SPRTN: variants seen among roughly 807,000 people sequenced by gnomAD.
SPRTN encodes DNA-dependent metalloprotease SPRTN.
A neutral mutation model predicts 31.9 loss-of-function variants in SPRTN; 11 were observed. That is an observed-to-expected ratio of 0.34 (90% CI 0.22 to 0.57). The LOEUF is 0.57. Among genes scored for constraint, SPRTN ranks in the 20% least tolerant of loss-of-function variants. SPRTN has a pLI of 0.86. For synonymous variants in SPRTN, 185 were observed against 212.1 expected (o/e 0.87, Z 1.11); for missense variants, 482 against 590.1 (o/e 0.82, Z 1.90).
chr1:231,344,686 TA>T, intron 2 of SPRTN: 6 of 307,924 alleles, frequency 1.9e-5, no homozygotes, highest in South Asian at 2.9e-5. Context: ...AATTGTTTTT[TA>T]AAAAAATTAT....
chr1:231,344,404 G>A (rs1686988455), intron 2 of SPRTN, among the ~76,000 whole-genome samples: 1 of 152,132 alleles, frequency 6.6e-6, no homozygotes, highest in Non-Finnish European at 1.5e-5. Flanking sequence ...CTGCTCAGGA[G>A]GATGAGATAG....
chr1:231,343,623 G>A (rs1400498999), intron 2 of SPRTN, among the ~76,000 whole-genome samples: 5 of 152,056 alleles, frequency 3.3e-5, no homozygotes, highest in South Asian at 4.1e-4. Flanking sequence ...ACTAAACGTC[G>A]TCTTTACCAC....
chr1:231,352,225 G>T (rs771926243), intron 4 of SPRTN: 2 of 996,800 alleles, frequency 2.0e-6, no homozygotes, highest in Non-Finnish European at 2.4e-6. Flanking sequence ...AGCTATAGAT[G>T]AATTGATATG....
At chr1:231,340,056 A>AAAAC in intron 2 of SPRTN, 188 bp downstream of exon 2, 7 of 501,348 alleles carry the variant, frequency 1.4e-5, no homozygotes, top group Non-Finnish European at 2.4e-5. Context: ...GTAAAAAAAA[A>AAAAC]AAAAACAAAA....
rs1265673185 is a variant in SPRTN, at chr1:231,352,911, A to G, written c.1020A>G (p.Gln340=). 3 of 1,614,018 alleles carry G rather than the reference A, an allele frequency of 1.9e-6. No homozygotes were observed. The highest frequency in any genetic ancestry group is 1.6e-4 in the Middle Eastern group (1 of 6,084). ...TTCCTAGAGTATCATTTGCCAACCAAAAGGCTTTCAGAGGTGTGAATGGAT... is the reference window on the plus strand; with the variant it reads ...TTCCTAGAGTATCATTTGCCAACCAGAAGGCTTTCAGAGGTGTGAATGGAT... The part of the protein sequence containing the change: ...NYFPRVSFAN[Q]KAFRGVNGSP... Residue 340 remains glutamine, a synonymous_variant, in exon 5 of 5, where the codon CAA becomes CAG. Coordinates refer to ENST00000295050, the MANE Select transcript of SPRTN (RefSeq NM_032018.7).
At chr1:231,344,705 C>A (rs760305573) in intron 2 of SPRTN, 2 of 325,394 alleles carry the variant, frequency 6.1e-6, no homozygotes, top group South Asian at 2.6e-5. Flanking sequence ...TATGGAGGAT[C>A]ATGAAAAAGG....
At chr1:231,347,772 C>T in intron 2 of SPRTN, 25 bp from the exon 3 acceptor site, 5 of 1,591,310 alleles carry the variant, frequency 3.1e-6, no homozygotes, top group Non-Finnish European at 4.3e-6. Flanking sequence ...GACTCTAAAA[C>T]TAATTTGAAT....
intron 2 of SPRTN, among the ~76,000 whole-genome samples, chr1:231,342,746 T>A (rs1686935014): frequency 6.7e-6 from 1 of 150,282 alleles, no homozygotes; most frequent in Non-Finnish European, 1.5e-5. Context: ...TTTATTTATT[T>A]TTTTTTTGAG....
intron 3 of SPRTN, 33 bp downstream of exon 3, chr1:231,347,958 G>T: frequency 6.3e-7 from 1 of 1,588,478 alleles, no homozygotes; most frequent in Non-Finnish European, 8.5e-7. Flanking sequence ...ATGATGTTTA[G>T]TAGTTGTTTA....
Position 231,352,894 on chromosome 1 carries a change from G to A in SPRTN, c.1003G>A (p.Val335Ile), listed in dbSNP as rs765473004. The A allele has an allele frequency of 6.2e-7, 1 of 1,614,118 alleles. No homozygotes were observed. Among genetic ancestry groups the A allele is most frequent in the South Asian group, 1.1e-5 (1 of 91,084 alleles). The change falls in exon 5 of 5, where the codon GTA becomes ATA. Residue 335 changes from valine to isoleucine, a missense_variant. Around this residue, in one of 2 missense-constraint regions of SPRTN, gnomAD observed 325 missense variants for 350.2 expected, o/e 0.93. Coordinates refer to ENST00000295050, the MANE Select transcript of SPRTN (RefSeq NM_032018.7). The part of the protein sequence containing the change: ...QNVLSNYFPR[V>I]SFANQKAFRG... ...TGTTCTAAGCAACTACTTTCCTAGAGTATCATTTGCCAACCAAAAGGCTTT... is the reference window on the plus strand; with the variant it reads ...TGTTCTAAGCAACTACTTTCCTAGAATATCATTTGCCAACCAAAAGGCTTT...
rs1687231415 is a variant in SPRTN at position 231,351,367 on chromosome 1, C to T, written c.514C>T (p.Pro172Ser). The T allele has an allele frequency of 3.1e-6, 5 of 1,614,112 alleles. No individual in the cohort carries two copies. The highest frequency in any genetic ancestry group is 4.2e-6 in the Non-Finnish European group (5 of 1,180,004). The change falls in exon 4 of 5, where the codon CCG (proline) becomes TCG (serine). Residue 172 changes from proline (P) to serine (S), a missense_variant. Pro to Ser is a moderately conservative substitution (Grantham distance 74). This residue lies in a region of SPRTN where 157 missense variants were observed against 239.9 expected (regional missense o/e 0.65). Transcript: ENST00000295050. The stretch of plus-strand genomic sequence containing the variant: ...GCGACACTGGTGGCGCTGCAATGGG[C>T]CGTGCCAGCACAGGCCACCGTATTA... ...YRRHWWRCNG[P>S]CQHRPPYYGY...
At position 231,342,707 on chromosome 1, in the gene SPRTN, A is replaced by G. The variant is rs193295174; in HGVS notation, c.321+2839A>G. Reference sequence around the variant, plus strand: ...TCCCAAAGTGAATGGGATTACAGGTATGAGCCACCATGCCCGGCCAGGACT... The same window carrying G: ...TCCCAAAGTGAATGGGATTACAGGTGTGAGCCACCATGCCCGGCCAGGACT... On this transcript the variant is annotated intron_variant, in intron 2 of 4. Transcript: ENST00000295050. Among the ~76,000 whole-genome samples, 270 of 150,248 alleles carry G rather than the reference A, an allele frequency of 1.8e-3. 3 individuals carry two copies. The highest frequency in any genetic ancestry group is 6.2e-3 in the African/African-American group (253 of 40,812).
intron 3 of SPRTN, 121 bp downstream of exon 3, chr1:231,348,046 C>A: frequency 7.2e-7 from 1 of 1,386,998 alleles, no homozygotes; most frequent in Non-Finnish European, 9.7e-7. Context: ...CCACAGCGAA[C>A]GAGAGGCCTA....
chr1:231,346,848 A>G (rs1192660669), intron 2 of SPRTN, among the ~76,000 whole-genome samples: 1 of 152,136 alleles, frequency 6.6e-6, no homozygotes, highest in African/African-American at 2.4e-5. Flanking sequence ...AGGCTGAGGC[A>G]CGAGAATCAC....
In SPRTN at chr1:231,353,981, T is replaced by A. The variant is rs546116181; in HGVS notation, c.*620T>A. The stretch of plus-strand genomic sequence containing the variant: ...TTAAGTTAAAGAATATGGAATATAG[T>A]AAAATAAGTAAATTTCTTTTGGAAT... On this transcript the variant is annotated 3_prime_UTR_variant, in exon 5 of 5. Transcript: ENST00000295050. 16 of 929,560 alleles carry A rather than the reference T, an allele frequency of 1.7e-5. No homozygotes were observed. Among genetic ancestry groups the A allele is most frequent in the African/African-American group, 1.4e-4 (8 of 56,136 alleles). 57.6% of individuals were successfully genotyped at this position (929,560 alleles called of 1,614,324 possible).
intron 2 of SPRTN, chr1:231,344,681 T>G (rs1309069973): frequency 3.3e-6 from 1 of 307,298 alleles, no homozygotes. Flanking sequence ...ATGGAAATTG[T>G]TTTTTAAAAA....
rs1361030818 is a variant in SPRTN, at chr1:231,338,362, C to A, written c.-22C>A. 1 of 1,611,274 alleles carries A rather than the reference C, an allele frequency of 6.2e-7. No individual in the cohort carries two copies. Among genetic ancestry groups the A allele is most frequent in the East Asian group, 2.2e-5 (1 of 44,850 alleles). On this transcript the variant is annotated 5_prime_UTR_variant, in exon 1 of 5. Transcript: ENST00000295050. ...GGGAGCCAGCCTGACGCCGGCGGAC[C>A]CCGCCTGTGATCCTGGCAACGATGG...
At chr1:231,346,361 A>ATT (rs764820603) in intron 2 of SPRTN, among the ~76,000 whole-genome samples, 4 of 129,462 alleles carry the variant, frequency 3.1e-5, no homozygotes, top group Admixed American at 7.8e-5. Flanking sequence ...CCCAGCCAAA[A>ATT]TTTTTTTTTT....
In SPRTN at chr1:231,338,608, A is replaced by C. The variant is rs375164159; in HGVS notation, c.221+4A>C. On this transcript the variant is annotated splice_donor_region_variant and intron_variant, in intron 1 of 4. Transcript: ENST00000295050. Reference sequence around the variant, plus strand: ...AGTGGAGCGTGCGAATGACCCTGTGAGTTCCGAGCCCCGCTGGGGAAAGAG... The same window carrying C: ...AGTGGAGCGTGCGAATGACCCTGTGCGTTCCGAGCCCCGCTGGGGAAAGAG... The C allele has an allele frequency of 2.0e-5, 32 of 1,613,984 alleles. No homozygotes were observed. The highest frequency in any genetic ancestry group is 1.2e-4 in the Admixed American group (7 of 60,016).
Sources: gnomAD v4.1 joint callset for allele counts (sites outside exome capture counted in the v4.1 genomes callset) on GRCh38, gnomAD v4.1.1 for gene constraint, gnomAD v4.1.1 regional missense constraint, MANE v1.5 for transcripts, NCBI Gene and HGNC (gene_info 2026-07-23, HGNC 2026-07-21) for gene names.